ASTN1: variants seen among roughly 807,000 people sequenced by gnomAD.
ASTN1 encodes the protein astrotactin-1.
ASTN1 carries 41 observed loss-of-function variants against 140.7 expected under a neutral mutation model. The observed-to-expected ratio is 0.29, with a 90% confidence interval of 0.23 to 0.38. The LOEUF is 0.38. ASTN1 is among the 10% of genes least tolerant of loss of function. The pLI is 1.00. For missense variants in ASTN1, 1,479 were observed against 1,678.8 expected, an observed-to-expected ratio of 0.88 and a Z score of 2.08; for synonymous variants, 640 against 652.2, an observed-to-expected ratio of 0.98 and a Z score of 0.29.
intron 21 of ASTN1, among the ~76,000 whole-genome samples, chr1:176,872,144 C>A (rs535489576): frequency 6.6e-6 from 1 of 151,832 alleles, no homozygotes; most frequent in Non-Finnish European, 1.5e-5. Context: ...GTTAATAATA[C>A]ATACCCTCCA....
intron 1 of ASTN1, among the ~76,000 whole-genome samples, chr1:177,112,870 A>G (rs1046642859): frequency 6.6e-6 from 1 of 151,914 alleles, no homozygotes; most frequent in Non-Finnish European, 1.5e-5. Flanking sequence ...TTTTCCCCAC[A>G]TCATCTCCCG....
intron 2 of ASTN1, among the ~76,000 whole-genome samples, chr1:177,039,487 T>A (rs1676873123): frequency 6.6e-6 from 1 of 152,176 alleles, no homozygotes; most frequent in African/African-American, 2.4e-5. Flanking sequence ...TCTGGGCATA[T>A]CCTAATCTAG....
At position 177,020,328 on chromosome 1, in the gene ASTN1, G is replaced by A. The variant is rs545165121; in HGVS notation, c.1438+3076C>T. Among the ~76,000 whole-genome samples the A allele has an allele frequency of 1.5e-3, 221 of 152,284 alleles. 1 individual carries two copies. Among genetic ancestry groups the A allele is most frequent in the African/African-American group, 3.8e-3 (156 of 41,546 alleles). ...AGTTTCACTGGGCTAAAATCAAGGC[G>A]TCTATAGAGCTATGTTGCCTTCTGG... is the stretch of plus-strand genomic sequence containing the variant. On this transcript the variant is annotated intron_variant, in intron 7 of 22. Coordinates refer to ENST00000361833, the MANE Select transcript of ASTN1 (RefSeq NM_004319.3).
intron 17 of ASTN1, among the ~76,000 whole-genome samples, chr1:176,888,613 T>G (rs1338189665): frequency 6.6e-6 from 1 of 152,254 alleles, no homozygotes; most frequent in Admixed American, 6.5e-5. Context: ...CAAATGCTTC[T>G]CTGTGCATCC....
Position 176,957,848 on chromosome 1 carries a change from G to A in ASTN1, c.1737-20C>T. The A allele has an allele frequency of 6.2e-7, 1 of 1,611,490 alleles. No homozygotes were observed. Among genetic ancestry groups the A allele is most frequent in the Non-Finnish European group, 8.5e-7 (1 of 1,178,700 alleles). ...TCCTCTCTGTGGGGAGAAAGAGTGGGAAGCAGGGAGGAGTCAAGGAGATTC... is the reference window on the plus strand; with the variant it reads ...TCCTCTCTGTGGGGAGAAAGAGTGGAAAGCAGGGAGGAGTCAAGGAGATTC... On this transcript the variant is annotated intron_variant, in intron 10 of 22. Transcript: ENST00000361833.
chr1:176,949,380 G>C (rs1271716797), intron 11 of ASTN1, 29 bp from the exon 12 acceptor site: 1 of 1,598,344 alleles, frequency 6.3e-7, no homozygotes, highest in African/African-American at 1.3e-5. Flanking sequence ...ATCCACATAC[G>C]TGGGTGAATC....
At position 177,151,257 on chromosome 1, in the gene ASTN1, CA is replaced by C. The variant is rs558132300; in HGVS notation, c.283+13136del. Among the ~76,000 whole-genome samples, 245 of 150,316 alleles carry C rather than the reference CA, an allele frequency of 1.6e-3. 1 individual carries two copies. Among genetic ancestry groups the C allele is most frequent in the African/African-American group, 5.6e-3 (228 of 41,012 alleles). ...GGACTGCTATTTTTCAAAAACAAAA[CA>C]AAAAAAAATCTATTCTCTCTTTCTT... On this transcript the variant is annotated intron_variant, in intron 1 of 22. Transcript: ENST00000361833.
At chr1:176,959,260 T>A (rs537996024) in intron 9 of ASTN1, among the ~76,000 whole-genome samples, 4 of 152,314 alleles carry the variant, frequency 2.6e-5, no homozygotes, top group Admixed American at 2.6e-4. Flanking sequence ...TCAAAAATAG[T>A]CTGTGGGATG....
At chr1:176,986,923 C>T (rs567782055) in intron 8 of ASTN1, among the ~76,000 whole-genome samples, 1 of 152,222 alleles carries the variant, frequency 6.6e-6, no homozygotes, top group South Asian at 2.1e-4. Context: ...TTGCAACTGT[C>T]CCCTAAATGA....
intron 1 of ASTN1, among the ~76,000 whole-genome samples, chr1:177,122,194 T>C (rs1681426271): frequency 6.6e-6 from 1 of 152,132 alleles, no homozygotes; most frequent in Non-Finnish European, 1.5e-5. Context: ...AACTTTGTGT[T>C]GCAGAGGGAC....
At chr1:176,879,356 G>T (rs550870318) in intron 20 of ASTN1, among the ~76,000 whole-genome samples, 2 of 152,272 alleles carry the variant, frequency 1.3e-5, no homozygotes, top group African/African-American at 4.8e-5. Context: ...GCTGCAGTCT[G>T]GCTATGTGCA....
At chr1:176,864,898 C>T (rs1668080046) in intron 22 of ASTN1, among the ~76,000 whole-genome samples, 1 of 152,158 alleles carries the variant, frequency 6.6e-6, no homozygotes, top group African/African-American at 2.4e-5. Flanking sequence ...AAATAATATG[C>T]TTGACTGGAT....
chr1:177,122,116 G>A (rs1165786120), intron 1 of ASTN1, among the ~76,000 whole-genome samples: 1 of 152,122 alleles, frequency 6.6e-6, no homozygotes, highest in Non-Finnish European at 1.5e-5. Flanking sequence ...ACTGTTACCT[G>A]CCAAATCCCA....
At chr1:177,057,221 G>A (rs982526846) in intron 2 of ASTN1, among the ~76,000 whole-genome samples, 1 of 146,662 alleles carries the variant, frequency 6.8e-6, no homozygotes, top group African/African-American at 2.6e-5. Flanking sequence ...AAAAGCAAAA[G>A]GTTTTTCAGT....
rs776192022 is a variant in ASTN1 at position 177,164,549 on chromosome 1, G to A, written c.128C>T (p.Ser43Leu). 1 of 1,613,880 alleles carries A rather than the reference G, an allele frequency of 6.2e-7. No individual in the cohort carries two copies. The highest frequency in any genetic ancestry group is 2.2e-5 in the East Asian group (1 of 44,806). Residue 43 changes from serine to leucine, a missense_variant, in exon 1 of 23, where the codon TCG becomes TTG. By Grantham distance (145) the Ser-to-Leu change is moderately radical (BLOSUM62 -2). This residue lies in a region of ASTN1 where 729 missense variants were observed against 860.4 expected (regional missense o/e 0.85). Coordinates refer to ENST00000361833, the MANE Select transcript of ASTN1 (RefSeq NM_004319.3). Reference protein sequence around the residue: ...LECKLKSITVSALPFLRENDL... With the variant: ...LECKLKSITVLALPFLRENDL... ...GTTCTCGCGCAGGAAGGGCAGTGCC[G>A]ACACCGTGATGCTTTTGAGCTTGCA... is the stretch of plus-strand genomic sequence containing the variant.
At chr1:176,888,540 G>C (rs930091028) in intron 17 of ASTN1, among the ~76,000 whole-genome samples, 7 of 152,044 alleles carry the variant, frequency 4.6e-5, no homozygotes, top group Non-Finnish European at 8.8e-5. Context: ...AAAAAATTAC[G>C]CCTCTACCAC....
At chr1:176,950,091 T>C (rs189404651) in intron 11 of ASTN1, among the ~76,000 whole-genome samples, 2 of 152,320 alleles carry the variant, frequency 1.3e-5, no homozygotes, top group Admixed American at 6.5e-5. Context: ...CCAAGAATTA[T>C]AGCAAAGAGA....
chr1:177,029,800 AC>A, intron 4 of ASTN1, 59 bp from the exon 5 acceptor site: 1 of 1,464,488 alleles, frequency 6.8e-7, no homozygotes, highest in Non-Finnish European at 9.3e-7. Flanking sequence ...ATGACACCAA[AC>A]CTTTGGGCAA....
chr1:177,114,664 C>CTG (rs137914416), intron 1 of ASTN1, among the ~76,000 whole-genome samples: 29 of 150,870 alleles, frequency 1.9e-4, no homozygotes, highest in Admixed American at 2.6e-4. Context: ...GTATGTGGTG[C>CTG]TGTGTGTGTG....
Sources: allele counts gnomAD v4.1 joint callset (sites outside exome capture counted in the v4.1 genomes callset), GRCh38; gene constraint gnomAD v4.1.1; regional missense constraint gnomAD v4.1.1; transcripts MANE v1.5; gene names NCBI Gene and HGNC (gene_info 2026-07-23, HGNC 2026-07-21).